The following SIPA1L3 variants were observed in gnomAD, a reference collection of about 807,000 sequenced individuals.
SIPA1L3 encodes the protein signal-induced proliferation-associated 1-like protein 3.
In SIPA1L3, 59 loss-of-function variants were observed where a neutral mutation model predicts 150.1. The ratio of observed to expected loss-of-function variants is 0.39; its 90% CI spans 0.32 to 0.49. The LOEUF is 0.49. Among genes scored for constraint, SIPA1L3 ranks in the 20% least tolerant of loss-of-function variants. The pLI is 0.86. For synonymous variants in SIPA1L3, 1,070 were observed against 1,077.6 expected (o/e 0.99, Z 0.14); for missense variants, 2,211 against 2,489.5 (o/e 0.89, Z 2.38).
chr19:38,093,404 C>G (rs907530388), intron 4 of SIPA1L3, among the ~76,000 whole-genome samples: 3 of 152,124 alleles, frequency 2.0e-5, no homozygotes, highest in Non-Finnish European at 4.4e-5. Context: ...CCTTTCCTCT[C>G]AGAGCCTCAG....
intron 15 of SIPA1L3, among the ~76,000 whole-genome samples, chr19:38,170,812 G>A (rs547264877): frequency 3.3e-5 from 5 of 152,072 alleles, no homozygotes; most frequent in South Asian, 2.1e-4. Flanking sequence ...GTTCCTGAAC[G>A]AGGGTCACAT....
chr19:38,147,639 A>G (rs1299990915), intron 12 of SIPA1L3, among the ~76,000 whole-genome samples: 3 of 151,806 alleles, frequency 2.0e-5, no homozygotes, highest in African/African-American at 7.3e-5. Context: ...TGAAAAGGTT[A>G]CCCCCACTCC....
At chr19:37,971,845 G>A (rs1966948998) in intron 1 of SIPA1L3, among the ~76,000 whole-genome samples, 1 of 152,078 alleles carries the variant, frequency 6.6e-6, no homozygotes, top group Non-Finnish European at 1.5e-5. Context: ...GGGATTACAG[G>A]TGTGAGCCAT....
intron 10 of SIPA1L3, among the ~76,000 whole-genome samples, chr19:38,140,328 A>G (rs773379047): frequency 4.0e-5 from 6 of 151,564 alleles, no homozygotes; most frequent in African/African-American, 7.3e-5. Flanking sequence ...ACCATGGTGC[A>G]TGTGCCAGCC....
chr19:37,982,541 C>T (rs920820239), intron 1 of SIPA1L3, among the ~76,000 whole-genome samples: 6 of 152,206 alleles, frequency 3.9e-5, no homozygotes, highest in African/African-American at 1.4e-4. Flanking sequence ...AGGTCCATTA[C>T]AGACATGGAG....
chr19:38,172,960 G>A (rs1972358405), intron 15 of SIPA1L3, among the ~76,000 whole-genome samples: 1 of 151,982 alleles, frequency 6.6e-6, no homozygotes, highest in Admixed American at 6.6e-5. Flanking sequence ...AAATTAGCTG[G>A]GTGTGGTGGC....
chr19:38,082,267 G>A lies in SIPA1L3; in HGVS notation c.702G>A (p.Gly234=), dbSNP rs755503277. The A allele has an allele frequency of 1.1e-5, 17 of 1,600,498 alleles. No homozygotes were observed. The highest frequency in any genetic ancestry group is 1.4e-5 in the Non-Finnish European group (17 of 1,179,714). ...EFRSEQPDAR[G]CQALTELLRA... Reference sequence around the variant, plus strand: ...GCAGCGAGCAGCCCGACGCCCGAGGGTGCCAGGCCCTCACCGAGCTCCTCC... The same window carrying A: ...GCAGCGAGCAGCCCGACGCCCGAGGATGCCAGGCCCTCACCGAGCTCCTCC... The change falls in exon 3 of 22, where the codon GGG becomes GGA. Residue 234 remains glycine, a synonymous_variant. Coordinates refer to ENST00000222345, the MANE Select transcript of SIPA1L3 (RefSeq NM_015073.3).
intron 2 of SIPA1L3, among the ~76,000 whole-genome samples, chr19:38,071,730 T>C (rs577817178): frequency 1.3e-5 from 2 of 152,304 alleles, no homozygotes; most frequent in Non-Finnish European, 2.9e-5. Context: ...GGGAGTGAAG[T>C]TGGCATGAGC....
intron 2 of SIPA1L3, among the ~76,000 whole-genome samples, chr19:38,071,207 A>G (rs1397976046): frequency 1.6e-5 from 1 of 64,502 alleles, no homozygotes; most frequent in Non-Finnish European, 3.4e-5. Context: ...TGTTTTATCT[A>G]TCTATCTATC....
intron 8 of SIPA1L3, among the ~76,000 whole-genome samples, chr19:38,114,759 C>T (rs1261977982): frequency 3.9e-5 from 6 of 152,240 alleles, no homozygotes; most frequent in Non-Finnish European, 5.9e-5. Context: ...AAGCCTAGGG[C>T]GGCATCCAGC....
chr19:38,006,779 C>T (rs752659217), intron 1 of SIPA1L3, among the ~76,000 whole-genome samples: 6 of 152,150 alleles, frequency 3.9e-5, no homozygotes, highest in Non-Finnish European at 8.8e-5. Flanking sequence ...CCACCTTTCA[C>T]CCCGGCAGCT....
At chr19:37,931,590 TAAAA>T in intron 1 of SIPA1L3, among the ~76,000 whole-genome samples, 1 of 146,528 alleles carries the variant, frequency 6.8e-6, no homozygotes, top group East Asian at 2.0e-4. Context: ...TTAATAAAAA[TAAAA>T]AAAAAAGTAG....
intron 13 of SIPA1L3, among the ~76,000 whole-genome samples, chr19:38,159,014 A>T (rs975743013): frequency 5.9e-5 from 9 of 152,224 alleles, no homozygotes; most frequent in Admixed American, 3.3e-4. Flanking sequence ...CTCTGTAGAA[A>T]TGTGGTCTCC....
intron 13 of SIPA1L3, among the ~76,000 whole-genome samples, chr19:38,157,382 G>A (rs911872160): frequency 3.9e-5 from 6 of 152,170 alleles, no homozygotes; most frequent in African/African-American, 1.4e-4. Flanking sequence ...TAGAGAGGAG[G>A]ACGATGAGGC....
chr19:37,959,288 T>C (rs546944985), intron 1 of SIPA1L3, among the ~76,000 whole-genome samples: 1 of 152,302 alleles, frequency 6.6e-6, no homozygotes, highest in Admixed American at 6.5e-5. Flanking sequence ...CATCAACTGA[T>C]AATTGGCTAA....
At chr19:38,195,622 C>T (rs907426503) in intron 18 of SIPA1L3, among the ~76,000 whole-genome samples, 2 of 152,166 alleles carry the variant, frequency 1.3e-5, no homozygotes, top group African/African-American at 4.8e-5. Context: ...ACGGGGACAG[C>T]GGCCACCACG....
intron 6 of SIPA1L3, among the ~76,000 whole-genome samples, chr19:38,101,689 G>T (rs1407746123): frequency 6.6e-6 from 1 of 152,140 alleles, no homozygotes; most frequent in African/African-American, 2.4e-5. Flanking sequence ...GGGATTACAG[G>T]CATGAGCCAC....
intron 2 of SIPA1L3, among the ~76,000 whole-genome samples, chr19:38,032,647 C>G (rs541365762): frequency 6.6e-6 from 1 of 152,248 alleles, no homozygotes; most frequent in Admixed American, 6.5e-5. Flanking sequence ...CAAGACCAGC[C>G]TGGCCAACAT....
At position 38,053,701 on chromosome 19, in the gene SIPA1L3, C is replaced by T. The variant is rs147833029; in HGVS notation, c.-311+24545C>T. On this transcript the variant is annotated intron_variant, in intron 2 of 21. Transcript: ENST00000222345. ...CCTCCCAAGTAGCTGGGATCACAGG[C>T]GTGTGCCAACACGCCCAGCTAATTT... Among the ~76,000 whole-genome samples, 213 of 152,106 alleles carry T rather than the reference C, an allele frequency of 1.4e-3. 1 individual carries two copies. The highest frequency in any genetic ancestry group is 4.3e-3 in the African/African-American group (180 of 41,526).
Sources: gnomAD v4.1 joint callset for allele counts (sites outside exome capture counted in the v4.1 genomes callset) on GRCh38, gnomAD v4.1.1 for gene constraint, MANE v1.5 for transcripts, NCBI Gene and HGNC (gene_info 2026-07-23, HGNC 2026-07-21) for gene names.